Variants in PDE1A observed in about 807,000 individuals in gnomAD.
PDE1A encodes the protein phosphodiesterase 1A.
A neutral mutation model predicts 61.7 loss-of-function variants in PDE1A; 35 were observed. The observed-to-expected ratio is 0.57, with a 90% CI of 0.43 to 0.75. The LOEUF is 0.75. Ranked by LOEUF, PDE1A falls within the 30% of genes least tolerant of loss-of-function variation. PDE1A has a pLI of 0.00. For missense variants in PDE1A, 597 were observed against 630.6 expected (o/e 0.95, Z 0.57); for synonymous variants, 232 against 213.2 (o/e 1.09, Z -0.77).
the PDE1A span, among the ~76,000 whole-genome samples, chr2:182,701,466 C>T: frequency 1.8e-5 from 2 of 113,664 alleles, no homozygotes; most frequent in East Asian, 2.2e-4. Flanking sequence ...ATGCAACTTG[C>T]ACCTCCCGGG....
At chr2:182,460,299 C>G (rs1333902936) in intron 2 of PDE1A, among the ~76,000 whole-genome samples, 1 of 152,144 alleles carries the variant, frequency 6.6e-6, no homozygotes, top group Non-Finnish European at 1.5e-5. Flanking sequence ...ATTCAACCCT[C>G]AAGACAGGTC....
At chr2:182,387,729 T>A in intron 1 of PDE1A, among the ~76,000 whole-genome samples, 1 of 149,716 alleles carries the variant, frequency 6.7e-6, no homozygotes, top group Non-Finnish European at 1.5e-5. Flanking sequence ...TGCACTCCAG[T>A]CTGGGTGACA....
chr2:182,710,143 C>T, the PDE1A span, among the ~76,000 whole-genome samples: 40 of 152,234 alleles, frequency 2.6e-4, no homozygotes, highest in Non-Finnish European at 5.6e-4. Context: ...GATCCGCCCA[C>T]CTTGGCCTCC....
At chr2:182,344,717 T>C (rs942694818) in intron 1 of PDE1A, among the ~76,000 whole-genome samples, 1 of 130,542 alleles carries the variant, frequency 7.7e-6, no homozygotes. Flanking sequence ...CTTCTTTCTT[T>C]CCTTTCTCTC....
the PDE1A span, among the ~76,000 whole-genome samples, chr2:182,694,834 G>GA: frequency 3.0e-3 from 414 of 138,116 alleles, 11 homozygotes; most frequent in South Asian, 8.8e-3. Context: ...GTGGGGGGGG[G>GA]GCAACAGTTG....
At chr2:182,589,858 T>C in the PDE1A span, among the ~76,000 whole-genome samples, 2 of 152,224 alleles carry the variant, frequency 1.3e-5, no homozygotes, top group East Asian at 3.9e-4. Context: ...CATACCCACC[T>C]AGAGTTACTA....
chr2:182,364,426 T>G (rs998326006), intron 1 of PDE1A, among the ~76,000 whole-genome samples: 1 of 131,118 alleles, frequency 7.6e-6, no homozygotes, highest in Non-Finnish European at 1.6e-5. Context: ...AATTTAATAT[T>G]GCTTTCACAG....
the PDE1A span, among the ~76,000 whole-genome samples, chr2:182,580,023 C>G: frequency 6.6e-6 from 1 of 152,184 alleles, no homozygotes; most frequent in African/African-American, 2.4e-5. Flanking sequence ...TTCAGGCTAA[C>G]AACATCTTCA....
Position 182,246,760 on chromosome 2 carries a change from C to A in PDE1A, c.168-6468G>T, listed in dbSNP as rs368168881. On this transcript the variant is annotated intron_variant, in intron 2 of 13. Transcript: ENST00000351439. ...CACTGACCACTACTAGATGCCATACCATATGTCCACTGGTTGGTTTGTTCA... is the reference window on the plus strand; with the variant it reads ...CACTGACCACTACTAGATGCCATACAATATGTCCACTGGTTGGTTTGTTCA... Among the ~76,000 whole-genome samples, 39 of 152,150 alleles carry A rather than the reference C, an allele frequency of 2.6e-4. No individual in the cohort carries two copies. The East Asian group carries it at 6.8e-3, about 26-fold the overall frequency.
chr2:182,652,754 C>T, the PDE1A span, among the ~76,000 whole-genome samples: 5 of 152,090 alleles, frequency 3.3e-5, no homozygotes, highest in Admixed American at 2.0e-4. Flanking sequence ...CAACTGGTAC[C>T]CAAATCATAA....
chr2:182,189,491 A>G (rs1685510289), intron 10 of PDE1A, among the ~76,000 whole-genome samples: 1 of 152,218 alleles, frequency 6.6e-6, no homozygotes, highest in African/African-American at 2.4e-5. Flanking sequence ...GTTTTTCAAA[A>G]TTAAAAGTAT....
chr2:182,559,143 A>C, the PDE1A span, among the ~76,000 whole-genome samples: 1 of 152,220 alleles, frequency 6.6e-6, no homozygotes, highest in East Asian at 1.9e-4. Context: ...TTTTTTAAAA[A>C]ACCATTATAA....
At chr2:182,277,799 C>T (rs1693535885) in intron 1 of PDE1A, among the ~76,000 whole-genome samples, 3 of 151,958 alleles carry the variant, frequency 2.0e-5, no homozygotes, top group Admixed American at 2.0e-4. Flanking sequence ...TGAGTTTCAG[C>T]AGGTGTTTCA....
the PDE1A span, among the ~76,000 whole-genome samples, chr2:182,529,442 C>T: frequency 6.6e-6 from 1 of 152,112 alleles, no homozygotes; most frequent in Non-Finnish European, 1.5e-5. Flanking sequence ...ACTAGCTTGC[C>T]TTTTATTTTA....
the PDE1A span, among the ~76,000 whole-genome samples, chr2:182,697,291 C>T: frequency 3.3e-5 from 5 of 152,242 alleles, no homozygotes; most frequent in African/African-American, 1.2e-4. Flanking sequence ...GACTCAGCCA[C>T]TTGCCACTTA....
At chr2:182,507,804 C>A (rs1486686306) in intron 2 of PDE1A, among the ~76,000 whole-genome samples, 1 of 151,996 alleles carries the variant, frequency 6.6e-6, no homozygotes, top group African/African-American at 2.4e-5. Context: ...GTTCATACTG[C>A]AACCAGTGGG....
At chr2:182,700,687 A>T in the PDE1A span, among the ~76,000 whole-genome samples, 1 of 139,952 alleles carries the variant, frequency 7.1e-6, no homozygotes, top group African/African-American at 2.7e-5. Flanking sequence ...GTGCCTCTGC[A>T]CTCCAGCCTG....
chr2:182,525,514 A>T (rs182458217), upstream of PDE1A, among the ~76,000 whole-genome samples: 331 of 152,152 alleles, frequency 2.2e-3, 2 homozygotes, highest in African/African-American at 7.0e-3. Context: ...GCCTGGTGGG[A>T]GGTGATTGGA....
At chr2:182,354,854 TC>T (rs1296908030) in intron 1 of PDE1A, among the ~76,000 whole-genome samples, 3 of 152,132 alleles carry the variant, frequency 2.0e-5, no homozygotes, top group African/African-American at 7.2e-5. Flanking sequence ...GGTTTGTTGA[TC>T]AGCTTTATCA....
Sources: gnomAD v4.1 joint callset for allele counts (sites outside exome capture counted in the v4.1 genomes callset) on GRCh38, gnomAD v4.1.1 for gene constraint, MANE v1.5 for transcripts, NCBI Gene and HGNC (gene_info 2026-07-23, HGNC 2026-07-21) for gene names.